The following MMP26 variants were observed in gnomAD, a reference collection of about 807,000 sequenced individuals.
The protein encoded by MMP26 is matrix metalloproteinase-26.
MMP26 carries 33 observed loss-of-function variants against 31.0 expected under a neutral mutation model. The ratio of observed to expected loss-of-function variants is 1.06; its 90% CI spans 0.81 to 1.42. MMP26 has a LOEUF of 1.42. Ranked by LOEUF, MMP26 falls within the 40% of genes most tolerant of loss-of-function variation. The pLI, the probability that MMP26 is intolerant of heterozygous loss-of-function variation, is 0.00. For synonymous variants in MMP26, 122 were observed against 114.9 expected (o/e 1.06, Z -0.40); for missense variants, 347 against 316.1 (o/e 1.10, Z -0.74).
At chr11:4,775,775 A>G (rs1848784302) in intron 2 of MMP26, among the ~76,000 whole-genome samples, 1 of 151,714 alleles carries the variant, frequency 6.6e-6, no homozygotes, top group South Asian at 2.1e-4. Flanking sequence ...AGAGAGAAAG[A>G]GAGAGAGAGA....
intron 2 of MMP26, among the ~76,000 whole-genome samples, chr11:4,980,914 A>T (rs755895941): frequency 3.3e-5 from 5 of 152,084 alleles, no homozygotes; most frequent in African/African-American, 1.2e-4. Flanking sequence ...AAATAAAATC[A>T]TAACATAAAC....
chr11:4,775,747 T>TGAGAGAGAGA (rs35696328), intron 2 of MMP26, among the ~76,000 whole-genome samples: 4 of 139,710 alleles, frequency 2.9e-5, no homozygotes, highest in African/African-American at 1.1e-4. Flanking sequence ...AGGAAGTGAG[T>TGAGAGAGAGA]GAGAGAGAGA....
intron 1 of MMP26, chr11:4,709,607 C>T (rs61743579): frequency 2.6e-5 from 12 of 456,414 alleles, no homozygotes; most frequent in Admixed American, 9.4e-5. Context: ...ACCCTGCAGT[C>T]TTCTTCCTTA....
chr11:4,916,726 G>C (rs1337937006), intron 2 of MMP26, among the ~76,000 whole-genome samples: 2 of 152,160 alleles, frequency 1.3e-5, no homozygotes, highest in Admixed American at 1.3e-4. Flanking sequence ...GACCTGTGAA[G>C]CTATTTCTGA....
intron 2 of MMP26, among the ~76,000 whole-genome samples, chr11:4,872,956 C>G (rs1055054216): frequency 6.6e-6 from 1 of 152,018 alleles, no homozygotes; most frequent in South Asian, 2.1e-4. Context: ...TCATTCAACT[C>G]CAGCTATACA....
At chr11:4,897,360 C>T (rs1337205365) in intron 2 of MMP26, among the ~76,000 whole-genome samples, 1 of 152,026 alleles carries the variant, frequency 6.6e-6, no homozygotes, top group Non-Finnish European at 1.5e-5. Flanking sequence ...GGATGGTCTC[C>T]ATCTCCTGAC....
rs773231379 is a variant in MMP26 at position 4,991,393 on chromosome 11, T to C, written c.492T>C (p.Phe164=). Residue 164 remains phenylalanine, a synonymous_variant, in exon 6 of 8, where the codon TTT becomes TTC. Transcript: ENST00000380390. ...WQWAHEDGWP[F]DGPGGILGHA... ...CAGCCCATGAAGATGGTTGGCCCTT[T>C]GATGGGCCAGGTGGTATCTTAGGCC... 4 of 1,613,720 alleles carry C rather than the reference T, an allele frequency of 2.5e-6. No individual in the cohort carries two copies. The Admixed American group carries it at 6.7e-5, about 27-fold the overall frequency.
intron 2 of MMP26, among the ~76,000 whole-genome samples, chr11:4,961,333 T>C (rs1264697369): frequency 6.6e-6 from 1 of 152,212 alleles, no homozygotes; most frequent in East Asian, 1.9e-4. Context: ...TCTGTATCTG[T>C]TCCCTCTGGG....
intron 2 of MMP26, among the ~76,000 whole-genome samples, chr11:4,967,737 T>C (rs10082653): frequency 0.48 from 72,978 of 152,088 alleles, 18,672 homozygotes; most frequent in South Asian, 0.64. Flanking sequence ...GTTTTTTCAA[T>C]GGTGTCCTGT....
intron 2 of MMP26, among the ~76,000 whole-genome samples, chr11:4,795,496 C>T (rs573728040): frequency 6.6e-6 from 1 of 152,322 alleles, no homozygotes; most frequent in South Asian, 2.1e-4. Context: ...TAAATCAACA[C>T]ACATTTTTTA....
chr11:4,829,483 C>T (rs1849618006), intron 2 of MMP26, among the ~76,000 whole-genome samples: 1 of 152,160 alleles, frequency 6.6e-6, no homozygotes, highest in Non-Finnish European at 1.5e-5. Flanking sequence ...TATGCCCCTG[C>T]ACAACTTGCC....
intron 2 of MMP26, among the ~76,000 whole-genome samples, chr11:4,825,381 C>A (rs537238350): frequency 2.0e-5 from 3 of 152,054 alleles, no homozygotes; most frequent in Non-Finnish European, 4.4e-5. Context: ...GCTCTGCCAC[C>A]TTTTTAGTGA....
At chr11:4,812,887 G>T (rs1849368330) in intron 2 of MMP26, among the ~76,000 whole-genome samples, 2 of 152,054 alleles carry the variant, frequency 1.3e-5, no homozygotes, top group South Asian at 4.2e-4. Flanking sequence ...GTGTAATTTA[G>T]CTTCTGGGCT....
intron 2 of MMP26, among the ~76,000 whole-genome samples, chr11:4,976,872 A>C (rs1394282497): frequency 6.6e-6 from 1 of 152,024 alleles, no homozygotes; most frequent in Non-Finnish European, 1.5e-5. Context: ...TCTTCTGGAG[A>C]AGTGTTCACA....
At chr11:4,888,696 T>C (rs2133546249) in intron 2 of MMP26, among the ~76,000 whole-genome samples, 1 of 152,332 alleles carries the variant, frequency 6.6e-6, no homozygotes, top group Admixed American at 6.5e-5. Flanking sequence ...ATTGCCATAA[T>C]TCAAGGCTGT....
At chr11:4,874,988 G>C (rs1850360214) in intron 2 of MMP26, among the ~76,000 whole-genome samples, 1 of 152,044 alleles carries the variant, frequency 6.6e-6, no homozygotes, top group South Asian at 2.1e-4. Flanking sequence ...CTTCTCTATG[G>C]AGAAACAGGA....
At chr11:4,807,908 G>T (rs1448256590) in intron 2 of MMP26, among the ~76,000 whole-genome samples, 1 of 152,060 alleles carries the variant, frequency 6.6e-6, no homozygotes, top group Non-Finnish European at 1.5e-5. Flanking sequence ...GGGTTTAGGT[G>T]ATCCTCCCAC....
At chr11:4,707,290 A>G (rs1481979946) in intron 1 of MMP26, among the ~76,000 whole-genome samples, 1 of 152,136 alleles carries the variant, frequency 6.6e-6, no homozygotes, top group East Asian at 1.9e-4. Context: ...AGTAATGTTG[A>G]GCATCTTTTT....
rs766727712 is a variant in MMP26 at position 4,822,324 on chromosome 11, T to A, written c.-145+54983T>A. 15 of 1,500,590 alleles carry A rather than the reference T, an allele frequency of 1.0e-5. No individual in the cohort carries two copies. The East Asian group carries it at 3.5e-4, about 35-fold the overall frequency. The allele number at this position is 1,500,590 out of a possible 1,614,324, so 93.0% of individuals were successfully genotyped here. A position where few individuals can be genotyped will look rare whatever the true frequency, so the allele number is the denominator to read the frequency against. On this transcript the variant is annotated intron_variant, in intron 2 of 7. Coordinates refer to ENST00000380390, the MANE Select transcript of MMP26 (RefSeq NM_021801.5). ...TTTACAGTGTAAAGATTAAGCAGATTCAAAAGGCCATTATCAAGGTCTTAA... is the reference window on the plus strand; with the variant it reads ...TTTACAGTGTAAAGATTAAGCAGATACAAAAGGCCATTATCAAGGTCTTAA...
Sources: gnomAD v4.1 joint callset for allele counts (sites outside exome capture counted in the v4.1 genomes callset) on GRCh38, gnomAD v4.1.1 for gene constraint, MANE v1.5 for transcripts, NCBI Gene and HGNC (gene_info 2026-07-23, HGNC 2026-07-21) for gene names.